Variants in KLF13 observed in about 807,000 individuals in gnomAD.
KLF13 encodes KLF transcription factor 13.
KLF13 carries 8 observed loss-of-function variants against 16.7 expected under a neutral mutation model. The observed-to-expected ratio is 0.48, with a 90% CI of 0.28 to 0.87. The LOEUF is 0.87. Ranked by LOEUF, KLF13 falls within the 40% of genes least tolerant of loss-of-function variation. The probability of loss-of-function intolerance (pLI) is 0.10; values close to 1 mark genes in which losing one functional copy is unlikely to be tolerated. For synonymous variants in KLF13, 245 were observed against 208.4 expected (o/e 1.18, Z -1.51); for missense variants, 447 against 452.2 (o/e 0.99, Z 0.10).
chr15:31,340,319 T>G (rs1566805592), intron 1 of KLF13, among the ~76,000 whole-genome samples: 3 of 152,272 alleles, frequency 2.0e-5, no homozygotes, highest in Non-Finnish European at 4.4e-5. Flanking sequence ...TGTTCAGATT[T>G]GCTGCATTTG....
In KLF13 at chr15:31,333,546, C is replaced by T. The variant is rs938470798; in HGVS notation, c.577+5757C>T. Reference sequence around the variant, plus strand: ...GGGTAATATTTTGCCACATTTTTCTCCTTTCCTCCTTCTCTTTTTCTTTCT... The same window carrying T: ...GGGTAATATTTTGCCACATTTTTCTTCTTTCCTCCTTCTCTTTTTCTTTCT... On this transcript the variant is annotated intron_variant, in intron 1 of 1. Transcript: ENST00000307145. 2.0e-5 allele frequency among the ~76,000 whole-genome samples: 3 copies of T among 152,174 alleles called. No individual in the cohort carries two copies. In the East Asian group the frequency reaches 5.8e-4, roughly 29 times the overall value.
chr15:31,406,200 C>A (rs1025933559), downstream of KLF13, among the ~76,000 whole-genome samples: 1 of 152,184 alleles, frequency 6.6e-6, no homozygotes, highest in African/African-American at 2.4e-5. Flanking sequence ...GTCTGATAGG[C>A]CCGGCACAGT....
At chr15:31,362,752 A>C (rs557822461) in intron 1 of KLF13, among the ~76,000 whole-genome samples, 1 of 151,996 alleles carries the variant, frequency 6.6e-6, no homozygotes, top group South Asian at 2.1e-4. Flanking sequence ...CTCTGTTCCT[A>C]CTTTCCTAGG....
chr15:31,430,628 C>G (rs947063495), intron 1 of KLF13, among the ~76,000 whole-genome samples: 1 of 152,208 alleles, frequency 6.6e-6, no homozygotes, highest in Non-Finnish European at 1.5e-5. Context: ...AAGGCCCCAC[C>G]TCTCAACACT....
chr15:31,428,994 T>C lies in KLF13; in HGVS notation n.118-6376T>C, dbSNP rs546572686. Among the ~76,000 whole-genome samples, 202 of 152,226 alleles carry C rather than the reference T, an allele frequency of 1.3e-3. 1 individual carries two copies. Among genetic ancestry groups the C allele is most frequent in the Non-Finnish European group, 2.4e-3 (164 of 68,022 alleles). On this transcript the variant is annotated intron_variant and non_coding_transcript_variant, in intron 1 of 1. Transcript: ENST00000558225. Reference sequence around the variant, plus strand: ...TGTGTAGTTGGCAAGATGATCTACATAATTTGCAGGACTCATACAAAATGA... The same window carrying C: ...TGTGTAGTTGGCAAGATGATCTACACAATTTGCAGGACTCATACAAAATGA...
intron 1 of KLF13, among the ~76,000 whole-genome samples, chr15:31,368,151 A>G (rs1210427992): frequency 6.6e-6 from 1 of 152,146 alleles, no homozygotes; most frequent in Admixed American, 6.5e-5. Context: ...ATAAGATCAC[A>G]TGCACAGGTT....
At chr15:31,335,973 A>G (rs1156551755) in intron 1 of KLF13, among the ~76,000 whole-genome samples, 1 of 152,246 alleles carries the variant, frequency 6.6e-6, no homozygotes, top group African/African-American at 2.4e-5. Context: ...AAACTTCTAA[A>G]GGTGGAGTTG....
At chr15:31,329,463 G>C (rs944497400) in intron 1 of KLF13, among the ~76,000 whole-genome samples, 1 of 152,088 alleles carries the variant, frequency 6.6e-6, no homozygotes, top group African/African-American at 2.4e-5. Context: ...CGGCAGCACC[G>C]GTAGCGGGGA....
intron 1 of KLF13, among the ~76,000 whole-genome samples, chr15:31,386,407 G>T (rs558240102): frequency 6.6e-6 from 1 of 152,284 alleles, no homozygotes; most frequent in Non-Finnish European, 1.5e-5. Flanking sequence ...GCTGAAGCAG[G>T]AGAATCACTT....
Position 31,374,045 on chromosome 15 carries a change from T to C in KLF13, c.*1746T>C, listed in dbSNP as rs2140969297. The C allele has an allele frequency of 6.5e-6, 1 of 152,816 alleles. No homozygotes were observed. The highest frequency in any genetic ancestry group is 6.5e-5 in the Admixed American group (1 of 15,306). The allele number at this position is 152,816 out of a possible 1,614,324, so 9.5% of individuals were successfully genotyped here. A position where few individuals can be genotyped will look rare whatever the true frequency, so the allele number is the denominator to read the frequency against. The stretch of plus-strand genomic sequence containing the variant: ...CGTGCCTTGGTTGTGGCCATCCTGC[T>C]TCTACTCAGCCCTGCCATGCTATGG... On this transcript the variant is annotated 3_prime_UTR_variant, in exon 2 of 2. Transcript: ENST00000307145.
chr15:31,405,204 C>G (rs998664301), downstream of KLF13, among the ~76,000 whole-genome samples: 4 of 152,160 alleles, frequency 2.6e-5, no homozygotes, highest in African/African-American at 9.7e-5. Context: ...ATTCCAGCTA[C>G]TCTGGAGGCT....
chr15:31,348,028 G>T (rs2039153287), intron 1 of KLF13, among the ~76,000 whole-genome samples: 1 of 152,254 alleles, frequency 6.6e-6, no homozygotes, highest in Non-Finnish European at 1.5e-5. Flanking sequence ...CCTCAGTGTG[G>T]AGGCTTCTTC....
At position 31,383,682 on chromosome 15, in the gene KLF13, C is replaced by G. The variant is rs190808855; in HGVS notation, n.224-51688C>G. On this transcript the variant is annotated intron_variant and non_coding_transcript_variant, in intron 1 of 1. Transcript: ENST00000558921. ...TTGGGAGGCCAAGGCGGGCAGATCA[C>G]GAGGTCAGGAGATCGAGACCATCCT... 6.4e-4 allele frequency among the ~76,000 whole-genome samples: 97 copies of G among 152,236 alleles called. 1 individual carries two copies. Among genetic ancestry groups the G allele is most frequent in the Admixed American group, 6.0e-3 (92 of 15,290 alleles).
chr15:31,383,662 A>G (rs1364933111), intron 1 of KLF13, among the ~76,000 whole-genome samples: 1 of 152,248 alleles, frequency 6.6e-6, no homozygotes, highest in Non-Finnish European at 1.5e-5. Flanking sequence ...GCACTTTGGG[A>G]GGCCAAGGCG....
chr15:31,362,751 T>C (rs1429455182), intron 1 of KLF13, among the ~76,000 whole-genome samples: 8 of 152,226 alleles, frequency 5.3e-5, no homozygotes, highest in Admixed American at 2.0e-4. Context: ...TCTCTGTTCC[T>C]ACTTTCCTAG....
At chr15:31,396,379 G>C (rs944134330) in intron 2 of KLF13, among the ~76,000 whole-genome samples, 2 of 151,690 alleles carry the variant, frequency 1.3e-5, no homozygotes, top group African/African-American at 4.9e-5. Context: ...GGATGGTCTT[G>C]ATCTCTTGAC....
chr15:31,401,891 A>G (rs1379199437), intron 2 of KLF13, among the ~76,000 whole-genome samples: 1 of 152,214 alleles, frequency 6.6e-6, no homozygotes, highest in Non-Finnish European at 1.5e-5. Flanking sequence ...GAAGCCACAT[A>G]GCATCACTTA....
intron 1 of KLF13, among the ~76,000 whole-genome samples, chr15:31,370,120 TTC>T (rs1045653615): frequency 6.6e-6 from 1 of 151,674 alleles, no homozygotes; most frequent in Non-Finnish European, 1.5e-5. Context: ...TCTCCATGTT[TTC>T]TGTTTTCTCA....
chr15:31,349,700 G>T (rs1209387461), intron 1 of KLF13, among the ~76,000 whole-genome samples: 3 of 152,174 alleles, frequency 2.0e-5, no homozygotes, highest in Admixed American at 2.0e-4. Context: ...GCGAGTATGG[G>T]CCAAGCCTGT....
Sources: gnomAD v4.1 joint callset for allele counts (sites outside exome capture counted in the v4.1 genomes callset) on GRCh38, gnomAD v4.1.1 for gene constraint, MANE v1.5 for transcripts, NCBI Gene and HGNC (gene_info 2026-07-23, HGNC 2026-07-21) for gene names.